S100A5: variants seen among roughly 807,000 people sequenced by gnomAD.
S100A5 encodes S100 calcium binding protein A5.
In S100A5, 5 loss-of-function variants were observed where a neutral mutation model predicts 6.7. The observed-to-expected ratio is 0.75, with a 90% confidence interval of 0.39 to 1.57. The LOEUF (loss-of-function observed/expected upper bound fraction) is 1.57, where lower values mean the gene tolerates loss of function less well. S100A5 is among the 40% of genes most tolerant of loss of function. The probability of loss-of-function intolerance (pLI) is 0.03; values close to 1 mark genes in which losing one functional copy is unlikely to be tolerated. For missense variants in S100A5, 129 were observed against 110.8 expected (o/e 1.16, Z -0.74); for synonymous variants, 49 against 44.9 (o/e 1.09, Z -0.37).
Position 153,540,137 on chromosome 1 carries a change from A to G in S100A5, c.55T>C (p.Tyr19His), listed in dbSNP as rs148936113. The G allele has an allele frequency of 9.3e-6, 15 of 1,614,082 alleles. No homozygotes were observed. The African/African-American group carries it at 1.3e-4, about 14-fold the overall frequency. ...LTTMVTTFHK[Y>H]SGREGSKLTL... ...AGTTTGCTACCCTCTCTCCCCGAAT[A>G]TTTGTGAAACGTGGTCACCATAGTG... The change falls in exon 2 of 3, where the codon TAT (tyrosine) becomes CAT (histidine). Residue 19 changes from tyrosine to histidine, a missense_variant. Physicochemically the swap from Tyr to His is moderately conservative, Grantham distance 83. Transcript: ENST00000368717.
At chr1:153,540,348 A>G in intron 1 of S100A5, 143 bp from the exon 2 acceptor site, 2 of 768,514 alleles carry the variant, frequency 2.6e-6, no homozygotes, top group Non-Finnish European at 4.1e-6. Context: ...GCCCATCTAT[A>G]TCAGTACAGG....
rs1171516546 is a variant in S100A5, at chr1:153,537,424, T to G, written c.151A>C (p.Ser51Arg). 1 of 1,614,118 alleles carries G rather than the reference T, an allele frequency of 6.2e-7. No homozygotes were observed. Among genetic ancestry groups the G allele is most frequent in the Non-Finnish European group, 8.5e-7 (1 of 1,179,996 alleles). The change falls in exon 3 of 3, where the codon AGC becomes CGC. Residue 51 changes from serine (S) to arginine (R), a missense_variant. Ser to Arg is a moderately radical substitution (Grantham distance 110). Transcript: ENST00000368717. Reference sequence around the variant, plus strand: ...AGGCTCTTCATCAAGTCATCGATGCTGCTCTCCTTCATCTTTTGTGGACCC... The same window carrying G: ...AGGCTCTTCATCAAGTCATCGATGCGGCTCTCCTTCATCTTTTGTGGACCC... ...ELCLGEMKES[S>R]IDDLMKSLDK...
intron 2 of S100A5, 48 bp from the exon 3 acceptor site, chr1:153,537,484 C>T (rs757997087): frequency 6.2e-7 from 1 of 1,606,564 alleles, no homozygotes. Flanking sequence ...GCTCCCAGCC[C>T]TGCCCTCGCA....
At chr1:153,542,489 C>T (rs982442501), upstream of S100A5, among the ~76,000 whole-genome samples, 1 of 152,190 alleles carries the variant, frequency 6.6e-6, no homozygotes, top group African/African-American at 2.4e-5. Context: ...TGAAATTCCT[C>T]CCAAGTCTCT....
intron 2 of S100A5, 38 bp from the exon 3 acceptor site, chr1:153,537,474 G>A (rs570480146): frequency 3.2e-5 from 51 of 1,609,226 alleles, no homozygotes; most frequent in Middle Eastern, 3.4e-4. Context: ...CTCAGACCCC[G>A]CTCCCAGCCC....
chr1:153,539,029 C>T (rs1489265264), intron 2 of S100A5, among the ~76,000 whole-genome samples: 1 of 152,004 alleles, frequency 6.6e-6, no homozygotes, highest in East Asian at 1.9e-4. Context: ...TCTCAGGAGG[C>T]TGAGGTAAGA....
chr1:153,539,473 A>ATTTATT (rs1553214733), intron 2 of S100A5, among the ~76,000 whole-genome samples: 160 of 114,872 alleles, frequency 1.4e-3, no homozygotes, highest in African/African-American at 6.7e-3. Flanking sequence ...ATATATATAT[A>ATTTATT]TATTTATTTA....
rs750433322 is a variant in S100A5 at position 153,537,326 on chromosome 1, G to C, written c.249C>G (p.Tyr83Ter). Residue 83 changes from tyrosine to a stop codon, truncating the protein, a stop_gained, in exon 3 of 3, where the codon TAC (tyrosine) becomes TAG (stop). Coordinates refer to ENST00000368717, the MANE Select transcript of S100A5 (RefSeq NM_001394232.1). LOFTEE classifies it high-confidence loss of function. ...SVFLTMLCMA[Y>*]NDFFLEDNK is the part of the protein sequence containing the mutation. ...TGTTGTCCTCTAGAAAGAAGTCGTT[G>C]TAGGCCATGCACAGCATGGTCAGGA... is the stretch of plus-strand genomic sequence containing the variant. 6.2e-7 allele frequency: 1 copy of C among 1,614,106 alleles called. No homozygotes were observed. Among genetic ancestry groups the C allele is most frequent in the Non-Finnish European group, 8.5e-7 (1 of 1,179,954 alleles).
chr1:153,541,398 A>G, upstream of S100A5: 2 of 1,367,766 alleles, frequency 1.5e-6, no homozygotes, highest in Non-Finnish European at 2.0e-6. Context: ...TGTGGGAGTG[A>G]GCCCAGAGAA....
chr1:153,537,222 C>T lies in S100A5; in HGVS notation c.*74G>A. 1.3e-6 allele frequency: 2 copies of T among 1,548,872 alleles called. No individual in the cohort carries two copies. The highest frequency in any genetic ancestry group is 1.8e-6 in the Non-Finnish European group (2 of 1,131,406). On this transcript the variant is annotated 3_prime_UTR_variant, in exon 3 of 3. Coordinates refer to ENST00000368717, the MANE Select transcript of S100A5 (RefSeq NM_001394232.1). ...TGGGAGGGAGAGGAGGGCAGGGGGC[C>T]AAAGAGGGTCTGTGAGAGGAGCAGC... is the stretch of plus-strand genomic sequence containing the variant.
In S100A5 at chr1:153,537,249, G is replaced by A. The variant is rs754824512; in HGVS notation, c.*47C>T. The stretch of plus-strand genomic sequence containing the variant: ...AAGAGGGTCTGTGAGAGGAGCAGCC[G>A]AGGTCAGCAGCAAAGGGTGGAGGGT... On this transcript the variant is annotated 3_prime_UTR_variant, in exon 3 of 3. Transcript: ENST00000368717. The A allele has an allele frequency of 3.1e-5, 50 of 1,593,500 alleles. No individual in the cohort carries two copies. In the East Asian group the frequency reaches 3.2e-4, roughly 10 times the overall value.
Position 153,537,386 on chromosome 1 carries a change from G to C in S100A5, c.189C>G (p.Ser63Arg). 1 of 1,614,150 alleles carries C rather than the reference G, an allele frequency of 6.2e-7. No homozygotes were observed. Among genetic ancestry groups the C allele is most frequent in the East Asian group, 2.2e-5 (1 of 44,882 alleles). The stretch of plus-strand genomic sequence containing the variant: ...ACTCCTTGAAGTCGATCTCCTGGTC[G>C]CTGTTCTTGTCCAGGCTCTTCATCA... ...DDLMKSLDKNSDQEIDFKEYS... is the reference protein window; with the variant it reads ...DDLMKSLDKNRDQEIDFKEYS... The change falls in exon 3 of 3, where the codon AGC (serine) becomes AGG (arginine). Residue 63 changes from serine to arginine, a missense_variant. Transcript: ENST00000368717.
upstream of S100A5, among the ~76,000 whole-genome samples, chr1:153,542,393 G>A (rs72711016): frequency 2.3e-3 from 353 of 152,320 alleles, 2 homozygotes; most frequent in Non-Finnish European, 3.6e-3. Flanking sequence ...GAAGGAGAGC[G>A]TGACCTGGGT....
intron 2 of S100A5, among the ~76,000 whole-genome samples, chr1:153,538,066 C>G (rs1343883309): frequency 1.3e-5 from 2 of 152,054 alleles, no homozygotes; most frequent in Non-Finnish European, 2.9e-5. Flanking sequence ...AAAAGAACAC[C>G]TTGCTGATTA....
At position 153,539,917 on chromosome 1, in the gene S100A5, C is replaced by T. The variant is rs979596222; in HGVS notation, c.138+137G>A. On this transcript the variant is annotated intron_variant, in intron 2 of 2. Coordinates refer to ENST00000368717, the MANE Select transcript of S100A5 (RefSeq NM_001394232.1). ...GAGTTTTGCTGGCCCGAAATCCCCA[C>T]CATCTTCCTTTGTCTCTGTCTGTAG... 137 of 1,009,602 alleles carry T rather than the reference C, an allele frequency of 1.4e-4. No homozygotes were observed. In the African/African-American group the frequency reaches 2.1e-3, roughly 15 times the overall value. The allele number at this position is 1,009,602 out of a possible 1,614,324, so 62.5% of individuals were successfully genotyped here.
At chr1:153,541,297 G>T, upstream of S100A5, 1 of 1,111,712 alleles carries the variant, frequency 9.0e-7, no homozygotes, top group Non-Finnish European at 1.3e-6. Flanking sequence ...GGCCTCCTTG[G>T]TGGAGGTCAC....
rs942942067 is a variant in S100A5 at position 153,540,799 on chromosome 1, G to C, written c.-193C>G. The C allele has an allele frequency of 6.3e-6, 1 of 159,920 alleles. No homozygotes were observed. The allele number at this position is 159,920 out of a possible 1,614,324, so 9.9% of individuals were successfully genotyped here. ...GGCCCAGAGCAGTGCACACAGAGAC[G>C]GGTCAGCGGGCAGGGAGGGCAGGGG... On this transcript the variant is annotated 5_prime_UTR_variant, in exon 1 of 3. Transcript: ENST00000368717.
At chr1:153,541,712 A>G (rs1665394609), upstream of S100A5, 1 of 1,147,648 alleles carries the variant, frequency 8.7e-7, no homozygotes, top group South Asian at 1.8e-5. Flanking sequence ...TGGAACAATA[A>G]GCCGAAGAAG....
Position 153,540,684 on chromosome 1 carries a change from A to G in S100A5, c.-78T>C. On this transcript the variant is annotated 5_prime_UTR_variant, in exon 1 of 3. Transcript: ENST00000368717. ...AGGGCAAAGAGAGAGTCCAGGGCTG[A>G]GAGGGGGCTGGGCTGGAACTGGGTG... 6.0e-6 allele frequency: 1 copy of G among 165,868 alleles called. No individual in the cohort carries two copies. Among genetic ancestry groups the G allele is most frequent in the Non-Finnish European group, 1.3e-5 (1 of 75,514 alleles). 10.3% of individuals were successfully genotyped at this position (165,868 alleles called of 1,614,324 possible). A position where few individuals can be genotyped will look rare whatever the true frequency, so the allele number is the denominator to read the frequency against.
Sources: allele counts gnomAD v4.1 joint callset (sites outside exome capture counted in the v4.1 genomes callset), GRCh38; gene constraint gnomAD v4.1.1; transcripts MANE v1.5; gene names NCBI Gene and HGNC (gene_info 2026-07-23, HGNC 2026-07-21).